CDK14: variants seen among roughly 807,000 people sequenced by gnomAD.
The protein encoded by CDK14 is cyclin dependent kinase 14, also known as cyclin-dependent kinase 14.
Under a neutral mutation model 60.7 loss-of-function variants are expected in CDK14, and 34 were observed. The ratio of observed to expected loss-of-function variants is 0.56; its 90% CI spans 0.43 to 0.75. The LOEUF is 0.75. CDK14 is among the 30% of genes least tolerant of loss of function. The pLI is 0.00. For missense variants in CDK14, 482 were observed against 564.1 expected, an observed-to-expected ratio of 0.85 and a Z score of 1.47; for synonymous variants, 197 against 203.7, an observed-to-expected ratio of 0.97 and a Z score of 0.28.
At chr7:90,738,070 C>T (rs996019875) in intron 3 of CDK14, among the ~76,000 whole-genome samples, 6 of 152,046 alleles carry the variant, frequency 3.9e-5, no homozygotes, top group South Asian at 2.1e-4. Context: ...GAAGATAGAC[C>T]GAAGCATGTT....
chr7:91,053,183 ATATAT>A (rs1436980733), intron 11 of CDK14, among the ~76,000 whole-genome samples: 1 of 152,220 alleles, frequency 6.6e-6, no homozygotes, highest in Non-Finnish European at 1.5e-5. Context: ...AAGCATTTTA[ATATAT>A]TATCTCATTT....
rs17163644 is a variant in CDK14, at chr7:91,158,652, A to G, written c.*28+40444A>G. Among the ~76,000 whole-genome samples the G allele has an allele frequency of 6.7e-3, 1,017 of 152,302 alleles. 5 individuals are homozygous for G. The highest frequency in any genetic ancestry group is 0.023 in the African/African-American group (944 of 41,566). On this transcript the variant is annotated intron_variant, in intron 14 of 14. Coordinates refer to ENST00000380050, the MANE Select transcript of CDK14 (RefSeq NM_001287135.2). ...TGTGAAGTAATGTGTGCTTTCCAAG[A>G]TAAGTATATTATAATGAAAATTGCC...
At chr7:90,765,127 T>C (rs552410213) in intron 4 of CDK14, among the ~76,000 whole-genome samples, 1 of 152,212 alleles carries the variant, frequency 6.6e-6, no homozygotes, top group African/African-American at 2.4e-5. Context: ...AGAGGGAAAT[T>C]GAGATATTGA....
intron 10 of CDK14, among the ~76,000 whole-genome samples, chr7:91,015,475 T>C (rs933104778): frequency 6.6e-6 from 1 of 151,076 alleles, no homozygotes; most frequent in African/African-American, 2.4e-5. Context: ...ATCTTCCCAA[T>C]GAATAGGTTT....
chr7:90,959,218 A>C (rs1187242119), intron 9 of CDK14, among the ~76,000 whole-genome samples: 1 of 152,140 alleles, frequency 6.6e-6, no homozygotes, highest in Non-Finnish European at 1.5e-5. Context: ...AAGATTATTC[A>C]TTGCCAGAAC....
chr7:90,871,971 T>G (rs1423028458), intron 6 of CDK14, among the ~76,000 whole-genome samples: 1 of 152,218 alleles, frequency 6.6e-6, no homozygotes, highest in Middle Eastern at 3.2e-3. Flanking sequence ...ACACAGCTCA[T>G]TATGGTCATT....
intron 4 of CDK14, among the ~76,000 whole-genome samples, chr7:90,789,550 TA>T (rs753786818): frequency 1.8e-4 from 28 of 152,250 alleles, no homozygotes; most frequent in Non-Finnish European, 3.2e-4. Context: ...GTATAACAAC[TA>T]TTTACATAGT....
intron 5 of CDK14, among the ~76,000 whole-genome samples, chr7:90,822,897 G>A (rs1343326957): frequency 6.6e-6 from 1 of 152,140 alleles, no homozygotes; most frequent in Non-Finnish European, 1.5e-5. Context: ...AGATTTCATG[G>A]ATGTATAATG....
At chr7:90,971,181 A>G (rs1794919002) in intron 9 of CDK14, among the ~76,000 whole-genome samples, 2 of 147,964 alleles carry the variant, frequency 1.4e-5, no homozygotes, top group Non-Finnish European at 1.5e-5. Context: ...CGTTTTAAAG[A>G]TAGTTATTGA....
At chr7:91,016,066 T>C (rs1230814672) in intron 10 of CDK14, among the ~76,000 whole-genome samples, 4 of 152,126 alleles carry the variant, frequency 2.6e-5, no homozygotes, top group Non-Finnish European at 4.4e-5. Context: ...TGAACCATCA[T>C]TAAATAAATA....
intron 14 of CDK14, among the ~76,000 whole-genome samples, chr7:91,195,711 CCA>C (rs746954438): frequency 1.3e-5 from 2 of 152,176 alleles, no homozygotes; most frequent in Non-Finnish European, 2.9e-5. Context: ...AATTATTTAC[CCA>C]CAGACTTTAC....
At chr7:90,778,953 CTTTTT>C (rs1018808742) in intron 4 of CDK14, among the ~76,000 whole-genome samples, 3 of 144,762 alleles carry the variant, frequency 2.1e-5, no homozygotes, top group African/African-American at 7.7e-5. Context: ...CTTCTTTTCT[CTTTTT>C]TAAGACATGG....
At chr7:90,952,167 G>A (rs1794282466) in intron 8 of CDK14, among the ~76,000 whole-genome samples, 1 of 152,144 alleles carries the variant, frequency 6.6e-6, no homozygotes, top group Non-Finnish European at 1.5e-5. Context: ...GTCTAATGCA[G>A]CAGAGGCTGT....
intron 2 of CDK14, among the ~76,000 whole-genome samples, chr7:90,655,039 A>G (rs1018627589): frequency 2.6e-5 from 4 of 152,150 alleles, no homozygotes; most frequent in African/African-American, 7.2e-5. Context: ...TACTGTCTCC[A>G]TAGTTTTGCC....
At chr7:90,805,404 T>A (rs545707262) in intron 5 of CDK14, among the ~76,000 whole-genome samples, 4 of 149,430 alleles carry the variant, frequency 2.7e-5, no homozygotes, top group Non-Finnish European at 5.9e-5. Context: ...GTTAAAGGCT[T>A]AACAAACTTT....
chr7:90,837,859 G>T (rs868670904), intron 5 of CDK14, among the ~76,000 whole-genome samples: 1 of 152,186 alleles, frequency 6.6e-6, no homozygotes, highest in Non-Finnish European at 1.5e-5. Flanking sequence ...TACAACATTA[G>T]TGTTAGAAGA....
At chr7:91,013,656 G>GGTTTTTTTT (rs1562868451) in intron 10 of CDK14, among the ~76,000 whole-genome samples, 3 of 123,382 alleles carry the variant, frequency 2.4e-5, no homozygotes, top group African/African-American at 3.1e-5. Context: ...CATTGCCTCT[G>GGTTTTTTTT]TTTTTTTTTT....
intron 9 of CDK14, among the ~76,000 whole-genome samples, chr7:90,963,086 A>AGTGTGTGTGTGT (rs34662049): frequency 0.029 from 4,088 of 142,072 alleles, 78 homozygotes; most frequent in Middle Eastern, 0.038. Flanking sequence ...TCATCTTAAG[A>AGTGTGTGTGTGT]GTGTGTGTGT....
chr7:91,045,185 AAGAGCCAT>A (rs1797198547), intron 10 of CDK14, among the ~76,000 whole-genome samples: 2 of 152,176 alleles, frequency 1.3e-5, no homozygotes, highest in Admixed American at 1.3e-4. Flanking sequence ...CATTGAGTGT[AAGAGCCAT>A]AGATCATGGA....
Sources: gnomAD v4.1 joint callset for allele counts (sites outside exome capture counted in the v4.1 genomes callset) on GRCh38, gnomAD v4.1.1 for gene constraint, MANE v1.5 for transcripts, NCBI Gene and HGNC (gene_info 2026-07-23, HGNC 2026-07-21) for gene names.